CERT1: variants seen among roughly 807,000 people sequenced by gnomAD.
CERT1 encodes the protein ceramide transporter 1.
CERT1 carries 31 observed loss-of-function variants against 87.9 expected under a neutral mutation model. The ratio of observed to expected loss-of-function variants is 0.35; its 90% CI spans 0.27 to 0.48. The LOEUF (loss-of-function observed/expected upper bound fraction) is 0.48. Ranked by LOEUF, CERT1 falls within the 20% of genes least tolerant of loss-of-function variation. The probability of loss-of-function intolerance (pLI) is 0.99; values close to 1 mark genes in which losing one functional copy is unlikely to be tolerated. For missense variants in CERT1, 487 were observed against 758.0 expected (o/e 0.64, Z 4.20); for synonymous variants, 289 against 250.9 (o/e 1.15, Z -1.44).
At chr5:75,428,051 G>A (rs1009740309) in intron 3 of CERT1, among the ~76,000 whole-genome samples, 1 of 151,944 alleles carries the variant, frequency 6.6e-6, no homozygotes, top group African/African-American at 2.4e-5. Context: ...TAGCCTCTGT[G>A]GTCTAATTCC....
chr5:75,375,881 A>G (rs1022142101), downstream of CERT1: 7 of 151,864 alleles, frequency 4.6e-5, no homozygotes, highest in African/African-American at 1.7e-4. Context: ...TTACAGTAAC[A>G]AAGATTTTAC....
At chr5:75,500,829 G>A (rs573756793) in intron 2 of CERT1, among the ~76,000 whole-genome samples, 3 of 152,276 alleles carry the variant, frequency 2.0e-5, no homozygotes, top group South Asian at 4.1e-4. Flanking sequence ...ATTTGCTGAA[G>A]TTCATTTCCA....
intron 8 of CERT1, among the ~76,000 whole-genome samples, chr5:75,409,775 C>T (rs1762854181): frequency 6.6e-6 from 1 of 151,702 alleles, no homozygotes; most frequent in Non-Finnish European, 1.5e-5. Context: ...GATCCCCCCG[C>T]CTCAGCCTCC....
At chr5:75,374,733 A>C (rs1761225838), downstream of CERT1, 2 of 582,204 alleles carry the variant, frequency 3.4e-6, no homozygotes, top group Admixed American at 1.9e-5. Context: ...GATCTCATGA[A>C]GGAGAAGGAT....
intron 2 of CERT1, among the ~76,000 whole-genome samples, chr5:75,474,650 T>C (rs914589722): frequency 2.0e-5 from 3 of 152,146 alleles, no homozygotes; most frequent in African/African-American, 7.2e-5. Context: ...ACAGTCTCTT[T>C]AACAAATCGT....
chr5:75,387,560 G>A (rs1450224297), intron 12 of CERT1, among the ~76,000 whole-genome samples: 2 of 151,890 alleles, frequency 1.3e-5, no homozygotes, highest in African/African-American at 4.8e-5. Flanking sequence ...TAGCCAACAA[G>A]GTGAAACCCC....
At chr5:75,405,795 GTACA>G (rs1195295641) in intron 8 of CERT1, among the ~76,000 whole-genome samples, 1 of 149,872 alleles carries the variant, frequency 6.7e-6, no homozygotes, top group Non-Finnish European at 1.5e-5. Context: ...TTTATCACAG[GTACA>G]TACATATAGG....
intron 11 of CERT1, among the ~76,000 whole-genome samples, chr5:75,398,220 T>C (rs541660826): frequency 1.0e-3 from 153 of 152,278 alleles, no homozygotes; most frequent in African/African-American, 3.4e-3. Flanking sequence ...TAAAAACTAA[T>C]GTAAACTTTA....
intron 11 of CERT1, among the ~76,000 whole-genome samples, chr5:75,393,739 G>C (rs529135150): frequency 6.6e-6 from 1 of 151,540 alleles, no homozygotes; most frequent in Non-Finnish European, 1.5e-5. Context: ...GCTGAGGCAC[G>C]CGGACCACGA....
intron 3 of CERT1, among the ~76,000 whole-genome samples, chr5:75,457,974 TG>T (rs1268499079): frequency 4.6e-5 from 7 of 150,798 alleles, no homozygotes; most frequent in African/African-American, 1.2e-4. Context: ...TGTGTGTGTG[TG>T]TGTGTGGTAT....
intron 7 of CERT1, 115 bp downstream of exon 7, chr5:75,416,761 T>C (rs1010470763): frequency 1.2e-6 from 1 of 856,170 alleles, no homozygotes; most frequent in Non-Finnish European, 1.8e-6. Flanking sequence ...TAGTATCATC[T>C]GCTATTTCTA....
chr5:75,474,369 G>A (rs924589760), intron 2 of CERT1, among the ~76,000 whole-genome samples: 9 of 152,066 alleles, frequency 5.9e-5, no homozygotes, highest in Admixed American at 4.6e-4. Context: ...TCTACAACTC[G>A]GTGTCTGAGA....
downstream of CERT1, chr5:75,376,796 T>C (rs1274878537): frequency 1.3e-5 from 2 of 152,226 alleles, no homozygotes; most frequent in Non-Finnish European, 2.9e-5. Context: ...GAGACATCAA[T>C]GCAATATCCC....
chr5:75,470,263 C>T lies in CERT1; in HGVS notation c.232-11082G>A, dbSNP rs150291656. ...GAATATATTATTCTTCTTAACTACACATGGGACGTTCCTCACAATAGATAT... is the reference window on the plus strand; with the variant it reads ...GAATATATTATTCTTCTTAACTACATATGGGACGTTCCTCACAATAGATAT... On this transcript the variant is annotated intron_variant, in intron 2 of 16. Transcript: ENST00000643780. Among the ~76,000 whole-genome samples, 855 of 152,276 alleles carry T rather than the reference C, an allele frequency of 5.6e-3. 7 individuals carry two copies. The highest frequency in any genetic ancestry group is 9.4e-3 in the Non-Finnish European group (637 of 67,982).
At chr5:75,491,351 T>C (rs1328358581) in intron 2 of CERT1, among the ~76,000 whole-genome samples, 1 of 152,184 alleles carries the variant, frequency 6.6e-6, no homozygotes, top group Non-Finnish European at 1.5e-5. Flanking sequence ...AAAGAACTCT[T>C]TTGTTTTCCT....
chr5:75,442,358 C>T (rs1764357703), intron 3 of CERT1, among the ~76,000 whole-genome samples: 1 of 152,142 alleles, frequency 6.6e-6, no homozygotes, highest in African/African-American at 2.4e-5. Context: ...GCAGCTGGGA[C>T]TACAGGTGCA....
intron 2 of CERT1, chr5:75,505,554 T>C (rs1288551222): frequency 6.6e-6 from 1 of 152,310 alleles, no homozygotes; most frequent in Non-Finnish European, 1.5e-5. Flanking sequence ...GAACAGCTTC[T>C]CCCAACTCCA....
chr5:75,499,134 A>G (rs1201070654), intron 2 of CERT1, among the ~76,000 whole-genome samples: 1 of 152,216 alleles, frequency 6.6e-6, no homozygotes, highest in African/African-American at 2.4e-5. Flanking sequence ...TCTAAGAAGG[A>G]ACTAACTTGC....
In CERT1 at chr5:75,416,026, T is replaced by C. The variant is rs535120408; in HGVS notation, c.837+850A>G. Among the ~76,000 whole-genome samples the C allele has an allele frequency of 4.6e-5, 7 of 152,302 alleles. No homozygotes were observed. In the South Asian group the frequency reaches 1.0e-3, roughly 23 times the overall value. ...GAACCTTCCTAAACACATAGTGCTA[T>C]CATTGCTTTCCTTAGTGTCCCGCTC... is the stretch of plus-strand genomic sequence containing the variant. On this transcript the variant is annotated intron_variant, in intron 7 of 16. Transcript: ENST00000643780.
Sources: allele counts gnomAD v4.1 joint callset (sites outside exome capture counted in the v4.1 genomes callset), GRCh38; gene constraint gnomAD v4.1.1; transcripts MANE v1.5; gene names NCBI Gene and HGNC (gene_info 2026-07-23, HGNC 2026-07-21).